PRKCE: variants seen among roughly 807,000 people sequenced by gnomAD.
PRKCE encodes the protein protein kinase C epsilon, also known as protein kinase C epsilon type.
A neutral mutation model predicts 85.4 loss-of-function variants in PRKCE; 16 were observed. The observed-to-expected ratio is 0.19, with a 90% CI of 0.13 to 0.28. The LOEUF (loss-of-function observed/expected upper bound fraction) is 0.28, where lower values mean the gene tolerates loss of function less well. Among genes scored for constraint, PRKCE ranks in the 10% least tolerant of loss-of-function variants. The pLI is 1.00. For missense variants in PRKCE, 573 were observed against 975.2 expected (o/e 0.59, Z 5.49); for synonymous variants, 388 against 371.5 (o/e 1.04, Z -0.51).
intron 10 of PRKCE, among the ~76,000 whole-genome samples, chr2:46,048,583 A>T (rs1324435120): frequency 6.6e-6 from 1 of 152,152 alleles, no homozygotes; most frequent in African/African-American, 2.4e-5. Flanking sequence ...GGGTCTGTCC[A>T]GTGGTCCTTG....
At chr2:46,018,944 C>T (rs1193259074) in intron 10 of PRKCE, among the ~76,000 whole-genome samples, 4 of 152,196 alleles carry the variant, frequency 2.6e-5, no homozygotes, top group South Asian at 2.1e-4. Flanking sequence ...GTGAATGGAC[C>T]GCATGCTCTG....
intron 1 of PRKCE, among the ~76,000 whole-genome samples, chr2:45,811,765 T>G (rs961890929): frequency 6.6e-6 from 1 of 152,022 alleles, no homozygotes; most frequent in Admixed American, 6.6e-5. Flanking sequence ...TGATAGGGAG[T>G]CATCCCACTG....
chr2:46,071,943 C>G (rs959240217), intron 10 of PRKCE, among the ~76,000 whole-genome samples: 1 of 152,092 alleles, frequency 6.6e-6, no homozygotes, highest in African/African-American at 2.4e-5. Context: ...AGGGTGTAGA[C>G]TGGAGTCTGC....
At chr2:45,847,636 G>A (rs1691905160) in intron 2 of PRKCE, among the ~76,000 whole-genome samples, 1 of 152,156 alleles carries the variant, frequency 6.6e-6, no homozygotes, top group African/African-American at 2.4e-5. Flanking sequence ...TTGATTATGA[G>A]ACCCTGCTGG....
Position 45,744,868 on chromosome 2 carries a change from C to T in PRKCE, c.348+92420C>T, listed in dbSNP as rs372266973. Among the ~76,000 whole-genome samples the T allele has an allele frequency of 2.6e-5, 4 of 152,312 alleles. No homozygotes were observed. In the East Asian group the frequency reaches 7.7e-4, roughly 29 times the overall value. On this transcript the variant is annotated intron_variant, in intron 1 of 14. Transcript: ENST00000306156. The stretch of plus-strand genomic sequence containing the variant: ...AAGTGATCCACCTGCCTTGGCCTCC[C>T]AAAGTGCTGGGATTATAGGCGTGAG...
At chr2:45,802,807 A>T (rs142022186) in intron 1 of PRKCE, among the ~76,000 whole-genome samples, 14 of 152,376 alleles carry the variant, frequency 9.2e-5, no homozygotes, top group African/African-American at 3.4e-4. Flanking sequence ...ATCGGTGGAC[A>T]TAGACGTATA....
At chr2:45,752,656 G>T (rs1236397311) in intron 1 of PRKCE, among the ~76,000 whole-genome samples, 1 of 152,122 alleles carries the variant, frequency 6.6e-6, no homozygotes, top group East Asian at 1.9e-4. Context: ...CTGAAGCAGG[G>T]CCTTGGTTTT....
At chr2:46,121,003 C>A (rs754399148) in intron 11 of PRKCE, among the ~76,000 whole-genome samples, 2 of 152,176 alleles carry the variant, frequency 1.3e-5, no homozygotes, top group Non-Finnish European at 1.5e-5. Flanking sequence ...TTTTAAAAAC[C>A]TAACTCAGTC....
intron 10 of PRKCE, among the ~76,000 whole-genome samples, chr2:46,023,251 GTTTGACCCC>G (rs1000239544): frequency 7.9e-5 from 12 of 152,172 alleles, no homozygotes; most frequent in Non-Finnish European, 1.8e-4. Context: ...TTGTTGGTAG[GTTTGACCCC>G]TGGCACACTC....
intron 2 of PRKCE, among the ~76,000 whole-genome samples, chr2:45,908,738 C>T (rs891436088): frequency 3.3e-5 from 5 of 152,194 alleles, no homozygotes; most frequent in South Asian, 4.2e-4. Flanking sequence ...TGGAAGAGGC[C>T]GATAAGGTCC....
chr2:45,699,360 C>T (rs1407747740), intron 1 of PRKCE, among the ~76,000 whole-genome samples: 1 of 152,186 alleles, frequency 6.6e-6, no homozygotes, highest in Non-Finnish European at 1.5e-5. Context: ...GTGAAGTAGG[C>T]CTTTTTCTTT....
intron 2 of PRKCE, among the ~76,000 whole-genome samples, chr2:45,868,477 C>G (rs1446064781): frequency 6.6e-6 from 1 of 151,284 alleles, no homozygotes; most frequent in African/African-American, 2.4e-5. Context: ...GCACCTGCCA[C>G]CACGCCTGGC....
intron 10 of PRKCE, among the ~76,000 whole-genome samples, chr2:46,047,861 A>G (rs781174647): frequency 3.9e-5 from 6 of 152,240 alleles, no homozygotes; most frequent in Non-Finnish European, 8.8e-5. Context: ...TGACTTGCAT[A>G]CAGGAAGTTT....
chr2:45,924,684 T>A (rs1463654889), intron 2 of PRKCE, among the ~76,000 whole-genome samples: 1 of 152,252 alleles, frequency 6.6e-6, no homozygotes, highest in Non-Finnish European at 1.5e-5. Flanking sequence ...AATAATCTTC[T>A]TTCAGTAAGT....
intron 2 of PRKCE, among the ~76,000 whole-genome samples, chr2:45,897,495 T>C (rs1696240056): frequency 6.6e-6 from 1 of 152,224 alleles, no homozygotes; most frequent in Admixed American, 6.5e-5. Context: ...AGAAAGTTTA[T>C]GTAGGTCAAA....
rs1418553964 is a variant in PRKCE, at chr2:46,159,527, GCTGACCTCCATCTGTCC to G, written c.1921-76_1921-60del. 2.1e-6 allele frequency: 3 copies of G among 1,437,248 alleles called. No homozygotes were observed. The highest frequency in any genetic ancestry group is 2.8e-6 in the Non-Finnish European group (3 of 1,088,978). 89.0% of individuals were successfully genotyped at this position (1,437,248 alleles called of 1,614,324 possible). A position where few individuals can be genotyped will look rare whatever the true frequency, so the allele number is the denominator to read the frequency against. On this transcript the variant is annotated intron_variant, in intron 13 of 14. Coordinates refer to ENST00000306156, the MANE Select transcript of PRKCE (RefSeq NM_005400.3). This position sits in a 1 kb window ranked among gnomAD's most constrained non-coding sequence, Gnocchi z 4.1. The stretch of plus-strand genomic sequence containing the variant: ...AGGCGATGCTGAAGATGCTGCTTTG[GCTGACCTCCATCTGTCC>G]CTTATAGCCTGTGCTGGCCAGGCCT...
intron 2 of PRKCE, among the ~76,000 whole-genome samples, chr2:45,935,514 C>T (rs377211991): frequency 1.3e-4 from 20 of 152,266 alleles, no homozygotes; most frequent in Non-Finnish European, 2.6e-4. Flanking sequence ...GGGTTGGGCA[C>T]GGTGGCTCAC....
intron 2 of PRKCE, among the ~76,000 whole-genome samples, chr2:45,975,057 C>A (rs549109322): frequency 6.6e-6 from 1 of 152,244 alleles, no homozygotes; most frequent in East Asian, 1.9e-4. Context: ...GAACAATGGC[C>A]TCTTTCTCAC....
intron 14 of PRKCE, among the ~76,000 whole-genome samples, chr2:46,171,140 G>A (rs1291474215): frequency 1.3e-5 from 2 of 152,216 alleles, no homozygotes; most frequent in African/African-American, 4.8e-5. Context: ...TGCACATCCT[G>A]CTGCGGGGGG....
Sources: gnomAD v4.1 joint callset for allele counts (sites outside exome capture counted in the v4.1 genomes callset) on GRCh38, gnomAD v4.1.1 for gene constraint, Gnocchi (gnomAD v3.1) non-coding constraint, MANE v1.5 for transcripts, NCBI Gene and HGNC (gene_info 2026-07-23, HGNC 2026-07-21) for gene names.